TNKS: variants seen among roughly 807,000 people sequenced by gnomAD.
TNKS encodes the protein tankyrase.
A neutral mutation model predicts 135.8 loss-of-function variants in TNKS; 72 were observed. The ratio of observed to expected loss-of-function variants is 0.53; its 90% CI spans 0.44 to 0.64. TNKS has a LOEUF of 0.64. TNKS is among the 30% of genes least tolerant of loss of function. The pLI is 0.00. For missense variants in TNKS, 1,769 were observed against 1,674.0 expected (o/e 1.06, Z -0.99); for synonymous variants, 849 against 649.3 (o/e 1.31, Z -4.68).
chr8:9,726,544 T>G, intron 12 of TNKS, 97 bp from the exon 13 acceptor site: 1 of 810,456 alleles, frequency 1.2e-6, no homozygotes, highest in African/African-American at 1.7e-5. Context: ...TGAACTACTT[T>G]GCAATCCCTC....
intron 3 of TNKS, among the ~76,000 whole-genome samples, chr8:9,650,732 A>G (rs1238976154): frequency 6.6e-6 from 1 of 152,032 alleles, no homozygotes; most frequent in African/African-American, 2.4e-5. Flanking sequence ...TGTCAGATGC[A>G]TAGTTTGCAA....
At chr8:9,651,107 T>C (rs1005287549) in intron 3 of TNKS, among the ~76,000 whole-genome samples, 3 of 152,184 alleles carry the variant, frequency 2.0e-5, no homozygotes, top group African/African-American at 4.8e-5. Context: ...GTTTGCTTTG[T>C]TGAAGATCAG....
intron 17 of TNKS, among the ~76,000 whole-genome samples, chr8:9,740,057 A>G (rs1278536973): frequency 2.4e-4 from 1 of 4,128 alleles, no homozygotes; most frequent in African/African-American, 3.4e-4. Context: ...GAGTATAATA[A>G]AAAAAAAAAA....
intron 2 of TNKS, among the ~76,000 whole-genome samples, chr8:9,586,722 C>CATGT (rs373137780): frequency 1.4e-5 from 2 of 143,210 alleles, no homozygotes; most frequent in Non-Finnish European, 1.5e-5. Context: ...ATATCTAAAA[C>CATGT]GTGTGTGTGT....
At chr8:9,612,107 C>G (rs1413519361) in intron 2 of TNKS, among the ~76,000 whole-genome samples, 1 of 151,998 alleles carries the variant, frequency 6.6e-6, no homozygotes, top group Non-Finnish European at 1.5e-5. Context: ...AAGTTTAGCC[C>G]CTTTATTTTA....
chr8:9,776,573 G>A (rs927048374), intron 26 of TNKS, 77 bp from the exon 27 acceptor site: 3 of 1,365,614 alleles, frequency 2.2e-6, no homozygotes, highest in African/African-American at 1.4e-5. Context: ...AACAGCCTTT[G>A]AGGCTTCCAC....
intron 19 of TNKS, among the ~76,000 whole-genome samples, chr8:9,752,096 A>G (rs913903743): frequency 6.6e-6 from 1 of 152,204 alleles, no homozygotes; most frequent in African/African-American, 2.4e-5. Flanking sequence ...AACCACTTAT[A>G]CTGAAATTGT....
chr8:9,706,064 T>C, intron 6 of TNKS, 123 bp from the exon 7 acceptor site: 1 of 525,284 alleles, frequency 1.9e-6, no homozygotes, highest in Non-Finnish European at 3.1e-6. Context: ...TATTATTTTA[T>C]TAAATACTTT....
At chr8:9,775,267 C>T (rs1585460961) in intron 26 of TNKS, among the ~76,000 whole-genome samples, 1 of 151,642 alleles carries the variant, frequency 6.6e-6, no homozygotes, top group African/African-American at 2.4e-5. Flanking sequence ...CAGATAGTTT[C>T]TTTTGTGAGA....
intron 3 of TNKS, among the ~76,000 whole-genome samples, chr8:9,619,061 TATTCTTCCCTGTGA>T (rs1799762144): frequency 6.6e-6 from 1 of 152,218 alleles, no homozygotes. Context: ...TTTCAGTCTT[TATTCTTCCCTGTGA>T]ATTTAGAGTC....
chr8:9,734,857 C>T lies in TNKS; in HGVS notation c.2314-8C>T. The stretch of plus-strand genomic sequence containing the variant: ...ATACAAACCCCATTTGGTTTTTCTT[C>T]TTTGTAGCATGGAGCAGATCCAACT... On this transcript the variant is annotated splice_region_variant and splice_polypyrimidine_tract_variant and intron_variant, in intron 15 of 26. Coordinates refer to ENST00000310430, the MANE Select transcript of TNKS (RefSeq NM_003747.3). The T allele has an allele frequency of 6.2e-7, 1 of 1,606,394 alleles. No homozygotes were observed. The highest frequency in any genetic ancestry group is 1.3e-5 in the African/African-American group (1 of 74,640).
At chr8:9,680,660 T>A in intron 4 of TNKS, 65 bp from the exon 5 acceptor site, 1 of 1,146,004 alleles carries the variant, frequency 8.7e-7, no homozygotes, top group Non-Finnish European at 1.3e-6. Flanking sequence ...TGTGAAAAAA[T>A]TATGCATAAA....
At position 9,649,878 on chromosome 8, in the gene TNKS, C is replaced by CTTTTTTTTTTT. The variant is rs71201959; in HGVS notation, c.995-30054_995-30044dup. Among the ~76,000 whole-genome samples the CTTTTTTTTTTT allele has an allele frequency of 3.6e-4, 30 of 83,368 alleles. 1 individual carries two copies. The highest frequency in any genetic ancestry group is 1.3e-3 in the African/African-American group (24 of 18,786). 54.7% of individuals were successfully genotyped at this position (83,368 alleles called of 152,430 possible). A position where few individuals can be genotyped will look rare whatever the true frequency, so the allele number is the denominator to read the frequency against. Reference sequence around the variant, plus strand: ...CACAGTTCTTTCTTTCTTTTCTTTTCTTTTTTTTTTTTTTTTTTTTTTTTT... The same window carrying CTTTTTTTTTTT: ...CACAGTTCTTTCTTTCTTTTCTTTTCTTTTTTTTTTTTTTTTTTTTTTTTTTTTTTTTTTTT... On this transcript the variant is annotated intron_variant, in intron 3 of 26. Transcript: ENST00000310430.
intron 14 of TNKS, 96 bp downstream of exon 14, chr8:9,731,131 A>C: frequency 1.5e-6 from 2 of 1,327,738 alleles, no homozygotes; most frequent in East Asian, 5.5e-5. Context: ...GTATTAAAAA[A>C]GTAATCGTTA....
Position 9,596,928 on chromosome 8 carries a change from C to T in TNKS, c.898+16545C>T, listed in dbSNP as rs1798811263. Among the ~76,000 whole-genome samples, 3 of 152,256 alleles carry T rather than the reference C, an allele frequency of 2.0e-5. 1 individual carries two copies. The Middle Eastern group carries it at 0.01, about 518-fold the overall frequency. ...TGTCATAGGTATTTTTCAAGCGTTCCCACAGGGGAACTGTGATGGGCTTAT... is the reference window on the plus strand; with the variant it reads ...TGTCATAGGTATTTTTCAAGCGTTCTCACAGGGGAACTGTGATGGGCTTAT... On this transcript the variant is annotated intron_variant, in intron 2 of 26. Coordinates refer to ENST00000310430, the MANE Select transcript of TNKS (RefSeq NM_003747.3).
chr8:9,726,779 T>G (rs1805183764), intron 13 of TNKS, 59 bp downstream of exon 13: 3 of 1,360,210 alleles, frequency 2.2e-6, no homozygotes, highest in Non-Finnish European at 3.1e-6. Context: ...ACCAATTCAT[T>G]TTTAAGCTTC....
intron 3 of TNKS, among the ~76,000 whole-genome samples, chr8:9,677,713 C>G (rs1802604961): frequency 6.6e-6 from 1 of 152,122 alleles, no homozygotes; most frequent in African/African-American, 2.4e-5. Context: ...TAAAATATTG[C>G]AGTATTTTCT....
intron 12 of TNKS, among the ~76,000 whole-genome samples, chr8:9,724,852 T>G (rs947735270): frequency 6.6e-6 from 1 of 152,228 alleles, no homozygotes; most frequent in African/African-American, 2.4e-5. Context: ...TAGTAGACAG[T>G]CCGCATCAAG....
At chr8:9,740,667 T>G (rs1805895395) in intron 17 of TNKS, among the ~76,000 whole-genome samples, 1 of 152,196 alleles carries the variant, frequency 6.6e-6, no homozygotes, top group South Asian at 2.1e-4. Context: ...GTTACCTTTC[T>G]AAAGATGAGT....
Sources: gnomAD v4.1 joint callset for allele counts (sites outside exome capture counted in the v4.1 genomes callset) on GRCh38, gnomAD v4.1.1 for gene constraint, MANE v1.5 for transcripts, NCBI Gene and HGNC (gene_info 2026-07-23, HGNC 2026-07-21) for gene names.